The following ERCC6 variants were observed in gnomAD, a reference collection of about 807,000 sequenced individuals.
ERCC6 encodes the protein DNA excision repair protein ERCC-6.
Under a neutral mutation model 158.7 loss-of-function variants are expected in ERCC6, and 116 were observed. The observed-to-expected ratio is 0.73, with a 90% CI of 0.63 to 0.85. ERCC6 has a LOEUF of 0.85. ERCC6 is among the 40% of genes least tolerant of loss of function. The probability of loss-of-function intolerance (pLI) is 0.00; values close to 1 mark genes in which losing one functional copy is unlikely to be tolerated. For synonymous variants in ERCC6, 678 were observed against 659.3 expected (o/e 1.03, Z -0.43); for missense variants, 1,698 against 1,799.4 (o/e 0.94, Z 1.02).
At chr10:49,487,275 T>C (rs1235124283) in intron 8 of ERCC6, among the ~76,000 whole-genome samples, 1 of 152,222 alleles carries the variant, frequency 6.6e-6, no homozygotes, top group African/African-American at 2.4e-5. Flanking sequence ...CCACAATGCC[T>C]GGACCTATTA....
At chr10:49,537,342 CAAA>C (rs368235215) in intron 1 of ERCC6, among the ~76,000 whole-genome samples, 5 of 86,722 alleles carry the variant, frequency 5.8e-5, no homozygotes, top group Non-Finnish European at 8.0e-5. Context: ...GACTCCGTCT[CAAA>C]AAAAAAAAAA....
rs3750746 is a variant in ERCC6 at position 49,538,810 on chromosome 10, A to G, written c.-15+152T>C. 0.79 allele frequency among the ~76,000 whole-genome samples: 120,184 copies of G among 152,120 alleles called. 47,661 individuals carry two copies. Among genetic ancestry groups the G allele is most frequent in the Middle Eastern group, 0.84 (247 of 294 alleles). ...TCAGGTGAGGCCGCCGGAAGCGGGC[A>G]CTTGGCCCTAAGACCCGCTACAGTG... is the stretch of plus-strand genomic sequence containing the variant. On this transcript the variant is annotated intron_variant, in intron 1 of 20. Transcript: ENST00000355832.
rs566151225 is a variant in ERCC6 at position 49,464,069 on chromosome 10, C to T, written c.3779-2513G>A. Among the ~76,000 whole-genome samples, 27 of 152,184 alleles carry T rather than the reference C, an allele frequency of 1.8e-4. 1 individual carries two copies. The highest frequency in any genetic ancestry group is 4.8e-4 in the African/African-American group (20 of 41,514). On this transcript the variant is annotated intron_variant, in intron 18 of 20. Coordinates refer to ENST00000355832, the MANE Select transcript of ERCC6 (RefSeq NM_000124.4). ...GGAACAGTTTGGAGGGCTCAGAAGA[C>T]GAGAGGAAAATGTGGGAAGGTTTGC...
At chr10:49,476,075 T>C in intron 12 of ERCC6, 140 bp downstream of exon 12, 1 of 703,944 alleles carries the variant, frequency 1.4e-6, no homozygotes, top group Non-Finnish European at 2.6e-6. Context: ...TGACTGCACA[T>C]CTACCATGCG....
At chr10:49,500,950 A>G in intron 6 of ERCC6, 1 of 469,876 alleles carries the variant, frequency 2.1e-6, no homozygotes, top group Non-Finnish European at 3.8e-6. Flanking sequence ...TGGGGTAATT[A>G]GAGACTATTT....
chr10:49,458,487 T>C lies in ERCC6; in HGVS notation c.*328A>G, dbSNP rs11101138. The C allele has an allele frequency of 1.1e-4, 35 of 315,276 alleles. No homozygotes were observed. Among genetic ancestry groups the C allele is most frequent in the Non-Finnish European group, 1.7e-4 (29 of 167,316 alleles). 19.5% of individuals were successfully genotyped at this position (315,276 alleles called of 1,614,324 possible). On this transcript the variant is annotated 3_prime_UTR_variant, in exon 21 of 21. Transcript: ENST00000355832. ...TTGAGATTTCTGTTCTGCAAACTTCTAACTGTGCTCCCTGACAGCATCTTT... is the reference window on the plus strand; with the variant it reads ...TTGAGATTTCTGTTCTGCAAACTTCCAACTGTGCTCCCTGACAGCATCTTT...
chr10:49,490,426 C>T lies in ERCC6; in HGVS notation c.1821+2691G>A, dbSNP rs368483062. On this transcript the variant is annotated intron_variant, in intron 8 of 20. Coordinates refer to ENST00000355832, the MANE Select transcript of ERCC6 (RefSeq NM_000124.4). Reference sequence around the variant, plus strand: ...CTAGAGTGCAGTGGCACAGTCCAGGCTCACTGCAACCTCCGCCTCTAGGGT... The same window carrying T: ...CTAGAGTGCAGTGGCACAGTCCAGGTTCACTGCAACCTCCGCCTCTAGGGT... Among the ~76,000 whole-genome samples the T allele has an allele frequency of 1.1e-4, 17 of 149,418 alleles. 1 individual carries two copies. Among genetic ancestry groups the T allele is most frequent in the African/African-American group, 4.0e-4 (16 of 40,424 alleles).
Position 49,482,981 on chromosome 10 carries a change from T to C in ERCC6, c.1993-118A>G, listed in dbSNP as rs1851007243. The C allele has an allele frequency of 9.3e-6, 10 of 1,078,858 alleles. No homozygotes were observed. In the South Asian group the frequency reaches 1.3e-4, roughly 14 times the overall value. 66.8% of individuals were successfully genotyped at this position (1,078,858 alleles called of 1,614,324 possible). A position where few individuals can be genotyped will look rare whatever the true frequency, so the allele number is the denominator to read the frequency against. On this transcript the variant is annotated intron_variant, in intron 9 of 20. Coordinates refer to ENST00000355832, the MANE Select transcript of ERCC6 (RefSeq NM_000124.4). ...ATTTACTCATCATTCTTGCATCATT[T>C]TGGTACTCTCCAAAACATACACATT...
At chr10:49,443,461 C>A in the ERCC6 span, among the ~76,000 whole-genome samples, 1 of 152,166 alleles carries the variant, frequency 6.6e-6, no homozygotes, top group Non-Finnish European at 1.5e-5. Context: ...TTCTTACCAC[C>A]TAGTACATCA....
At chr10:49,502,258 A>G (rs1200437432) in intron 6 of ERCC6, 1 of 152,236 alleles carries the variant, frequency 6.6e-6, no homozygotes, top group Admixed American at 6.5e-5. Flanking sequence ...TTACATAAGG[A>G]AAACTCTAAA....
rs746568207 is a variant in ERCC6, at chr10:49,493,160, C to G, written c.1778G>C (p.Arg593Thr). The stretch of plus-strand genomic sequence containing the variant: ...ACCGGTTTCATGTAGAATTGCCACT[C>G]TGAACGGAGGCCACCACGTGTGAAA... ...KEFHTWWPPF[R>T]VAILHETGSY... The change falls in exon 8 of 21, where the codon AGA becomes ACA. Residue 593 changes from arginine (R) to threonine (T), a missense_variant. Physicochemically the swap from Arg to Thr is moderately conservative, Grantham distance 71. Coordinates refer to ENST00000355832, the MANE Select transcript of ERCC6 (RefSeq NM_000124.4). 2 of 1,614,142 alleles carry G rather than the reference C, an allele frequency of 1.2e-6. No individual in the cohort carries two copies. The highest frequency in any genetic ancestry group is 2.2e-5 in the East Asian group (1 of 44,872).
intron 3 of ERCC6, among the ~76,000 whole-genome samples, chr10:49,530,482 C>A (rs1324423589): frequency 2.0e-5 from 3 of 152,046 alleles, no homozygotes; most frequent in Non-Finnish European, 4.4e-5. Context: ...CAAGGAGCAA[C>A]TGTATACGTA....
At chr10:49,473,340 C>T (rs1850815065) in intron 14 of ERCC6, 137 bp downstream of exon 14, 1 of 773,598 alleles carries the variant, frequency 1.3e-6, no homozygotes, top group South Asian at 1.4e-5. Flanking sequence ...GAGTTAAAAA[C>T]AACAAGTCTC....
chr10:49,501,849 A>G (rs1031433692), intron 6 of ERCC6: 2 of 152,042 alleles, frequency 1.3e-5, no homozygotes, highest in African/African-American at 2.4e-5. Context: ...AGTCCTAGCT[A>G]CTTGGGAGGC....
rs776663084 is a variant in ERCC6 at position 49,500,592 on chromosome 10, G to A, written c.1631C>T (p.Ala544Val). 55 of 1,613,892 alleles carry A rather than the reference G, an allele frequency of 3.4e-5. No homozygotes were observed. The South Asian group carries it at 5.5e-4, about 16-fold the overall frequency. Residue 544 changes from alanine (A) to valine (V), a missense_variant, in exon 7 of 21, where the codon GCC becomes GTC. By Grantham distance (64) the Ala-to-Val change is moderately conservative. Transcript: ENST00000355832. ...MGLGKTIQII[A>V]FLAGLSYSKI... The stretch of plus-strand genomic sequence containing the variant: ...GCTGTAGCTCAGACCTGCCAAGAAG[G>A]CAATTATCTGGATGGTCTTGCCCAA...
chr10:49,497,190 A>G (rs1564428786), intron 7 of ERCC6, among the ~76,000 whole-genome samples: 1 of 152,208 alleles, frequency 6.6e-6, no homozygotes. Flanking sequence ...GAGCTCCCCA[A>G]GGAGAGTGGG....
intron 19 of ERCC6, among the ~76,000 whole-genome samples, 194 bp downstream of exon 19, chr10:49,461,158 G>A (rs1055156794): frequency 6.6e-6 from 1 of 152,136 alleles, no homozygotes; most frequent in Non-Finnish European, 1.5e-5. Flanking sequence ...TGGAAAACAG[G>A]GGATGAAAGC....
At position 49,476,209 on chromosome 10, in the gene ERCC6, G is replaced by T. The variant is rs776186015; in HGVS notation, c.2382+6C>A. The T allele has an allele frequency of 1.3e-6, 2 of 1,599,586 alleles. No individual in the cohort carries two copies. Among genetic ancestry groups the T allele is most frequent in the Non-Finnish European group, 8.6e-7 (1 of 1,166,998 alleles). On this transcript the variant is annotated splice_donor_region_variant and intron_variant, in intron 12 of 20. Coordinates refer to ENST00000355832, the MANE Select transcript of ERCC6 (RefSeq NM_000124.4). ...TCATTTCTCCAGCTTCTATTTTTTA[G>T]CTGACCTGCATCTCTCCATTGAGAA...
intron 8 of ERCC6, among the ~76,000 whole-genome samples, chr10:49,484,594 G>T (rs1291025366): frequency 6.6e-6 from 1 of 152,054 alleles, no homozygotes; most frequent in East Asian, 1.9e-4. Flanking sequence ...AAAAAAATTA[G>T]CACTGCATGG....
Sources: allele counts gnomAD v4.1 joint callset (sites outside exome capture counted in the v4.1 genomes callset), GRCh38; gene constraint gnomAD v4.1.1; transcripts MANE v1.5; gene names NCBI Gene and HGNC (gene_info 2026-07-23, HGNC 2026-07-21).